KCNMB2: variants seen among roughly 807,000 people sequenced by gnomAD.
KCNMB2 encodes calcium-activated potassium channel subunit beta-2.
A neutral mutation model predicts 24.5 loss-of-function variants in KCNMB2; 9 were observed. The ratio of observed to expected loss-of-function variants is 0.37; its 90% CI spans 0.22 to 0.64. The LOEUF (loss-of-function observed/expected upper bound fraction) is 0.64. KCNMB2 is among the 30% of genes least tolerant of loss of function. The probability of loss-of-function intolerance (pLI) is 0.63; values close to 1 mark genes in which losing one functional copy is unlikely to be tolerated. For synonymous variants in KCNMB2, 109 were observed against 104.4 expected, an observed-to-expected ratio of 1.04 and a Z score of -0.27; for missense variants, 226 against 284.3, an observed-to-expected ratio of 0.79 and a Z score of 1.47.
At chr3:178,751,581 A>C (rs1723851677) in intron 1 of KCNMB2, among the ~76,000 whole-genome samples, 1 of 111,180 alleles carries the variant, frequency 9.0e-6, no homozygotes, top group African/African-American at 2.7e-5. Flanking sequence ...CTCAAAAAAA[A>C]AAAAAAAAAA....
At chr3:178,695,729 C>A (rs1442914956) in intron 1 of KCNMB2, among the ~76,000 whole-genome samples, 3 of 152,104 alleles carry the variant, frequency 2.0e-5, no homozygotes, top group Admixed American at 6.6e-5. Flanking sequence ...GCATTTTGGT[C>A]AAAGCCATTC....
At chr3:178,673,435 T>G (rs765526535) in intron 1 of KCNMB2, among the ~76,000 whole-genome samples, 6 of 152,082 alleles carry the variant, frequency 3.9e-5, no homozygotes, top group African/African-American at 1.4e-4. Context: ...CTAATGACCT[T>G]AATTCTTATT....
chr3:178,765,615 T>TTGTG (rs1314517537), intron 1 of KCNMB2, among the ~76,000 whole-genome samples: 2 of 87,698 alleles, frequency 2.3e-5, no homozygotes, highest in South Asian at 6.8e-4. Context: ...CTGCTAGAAT[T>TTGTG]TGTGTGTGTG....
intron 1 of KCNMB2, among the ~76,000 whole-genome samples, chr3:178,775,712 T>C (rs1447871530): frequency 1.3e-5 from 2 of 152,224 alleles, no homozygotes; most frequent in East Asian, 3.8e-4. Context: ...AAATGCAAAT[T>C]CATTTACAAA....
intron 1 of KCNMB2, among the ~76,000 whole-genome samples, chr3:178,806,646 G>C (rs1274756220): frequency 6.6e-6 from 1 of 151,150 alleles, no homozygotes; most frequent in Admixed American, 6.6e-5. Context: ...TTTTAGTGCT[G>C]TGCTTAGAGA....
At chr3:178,551,663 A>G (rs892438404) in intron 1 of KCNMB2, among the ~76,000 whole-genome samples, 4 of 152,218 alleles carry the variant, frequency 2.6e-5, no homozygotes, top group Non-Finnish European at 4.4e-5. Context: ...TTACACAATA[A>G]TATCAGTTAT....
At chr3:178,775,008 A>G (rs1350128601) in intron 1 of KCNMB2, among the ~76,000 whole-genome samples, 1 of 152,230 alleles carries the variant, frequency 6.6e-6, no homozygotes, top group East Asian at 1.9e-4. Flanking sequence ...ACACAAATGC[A>G]GGTATAGATC....
At chr3:178,659,408 TA>T (rs1720449870) in intron 1 of KCNMB2, among the ~76,000 whole-genome samples, 1 of 152,214 alleles carries the variant, frequency 6.6e-6, no homozygotes, top group Non-Finnish European at 1.5e-5. Flanking sequence ...TTTAAAACCA[TA>T]ATTTTAAAAG....
At chr3:178,540,619 C>T (rs1322139934) in intron 1 of KCNMB2, among the ~76,000 whole-genome samples, 1 of 152,204 alleles carries the variant, frequency 6.6e-6, no homozygotes, top group Non-Finnish European at 1.5e-5. Context: ...ACTCTCAAAC[C>T]TCAGAGGCTT....
At chr3:178,672,298 G>A (rs941397166) in intron 1 of KCNMB2, among the ~76,000 whole-genome samples, 1 of 152,128 alleles carries the variant, frequency 6.6e-6, no homozygotes, top group African/African-American at 2.4e-5. Context: ...AGGGGGTAAT[G>A]TCCCCATCTT....
chr3:178,735,148 G>C (rs1408932620), intron 1 of KCNMB2, among the ~76,000 whole-genome samples: 2 of 152,326 alleles, frequency 1.3e-5, no homozygotes, highest in East Asian at 3.9e-4. Context: ...AGGTTGAAAA[G>C]CACTCCTTAT....
chr3:178,617,889 TA>T (rs3052262), intron 1 of KCNMB2, among the ~76,000 whole-genome samples: 37,940 of 99,244 alleles, frequency 0.38, 6,346 homozygotes, highest in African/African-American at 0.58. Context: ...AGACTCTGTC[TA>T]AAAAAAAAAA....
intron 1 of KCNMB2, among the ~76,000 whole-genome samples, chr3:178,652,934 A>T (rs1174637655): frequency 6.6e-6 from 1 of 152,124 alleles, no homozygotes; most frequent in Admixed American, 6.5e-5. Context: ...AAGTGCTGAG[A>T]TTACAGGCGT....
At chr3:178,655,416 G>T (rs1720297449) in intron 1 of KCNMB2, among the ~76,000 whole-genome samples, 2 of 152,072 alleles carry the variant, frequency 1.3e-5, no homozygotes, top group African/African-American at 4.8e-5. Context: ...ATAAGAAGTA[G>T]ATAAAGGAAT....
chr3:178,595,498 G>A (rs1039484200), intron 1 of KCNMB2, among the ~76,000 whole-genome samples: 3 of 152,066 alleles, frequency 2.0e-5, no homozygotes, highest in Non-Finnish European at 4.4e-5. Flanking sequence ...CCCATGTGTT[G>A]TGGGAGGGAC....
chr3:178,676,473 T>C (rs1428842777), intron 1 of KCNMB2, among the ~76,000 whole-genome samples: 1 of 152,090 alleles, frequency 6.6e-6, no homozygotes, highest in African/African-American at 2.4e-5. Flanking sequence ...CTTCACATCC[T>C]CCTCAGCCAT....
intron 1 of KCNMB2, among the ~76,000 whole-genome samples, chr3:178,707,037 A>T (rs751789982): frequency 3.9e-5 from 6 of 152,146 alleles, no homozygotes; most frequent in Non-Finnish European, 8.8e-5. Context: ...AGCAAAAAGA[A>T]AAAAAGTAAA....
chr3:178,665,426 T>C (rs1454321209), intron 1 of KCNMB2, among the ~76,000 whole-genome samples: 1 of 152,164 alleles, frequency 6.6e-6, no homozygotes, highest in African/African-American at 2.4e-5. Context: ...AATAAACTGT[T>C]TTTTTTAAAG....
At chr3:178,835,942 G>A (rs56071834) in intron 4 of KCNMB2, among the ~76,000 whole-genome samples, 22,193 of 152,054 alleles carry the variant, frequency 0.15, 1,878 homozygotes, top group Non-Finnish European at 0.19. Context: ...ATGCTACATG[G>A]TATATTGGAG....
Sources: gnomAD v4.1 joint callset for allele counts (sites outside exome capture counted in the v4.1 genomes callset) on GRCh38, gnomAD v4.1.1 for gene constraint, MANE v1.5 for transcripts, NCBI Gene and HGNC (gene_info 2026-07-23, HGNC 2026-07-21) for gene names.